SYAP1: variants seen among roughly 807,000 people sequenced by gnomAD.
SYAP1 encodes synapse-associated protein 1.
Under a neutral mutation model 29.6 loss-of-function variants are expected in SYAP1, and 3 were observed. The observed-to-expected ratio is 0.10, with a 90% CI of 0.05 to 0.26. The LOEUF (loss-of-function observed/expected upper bound fraction) is 0.26, where lower values mean the gene tolerates loss of function less well. SYAP1 is among the 10% of genes least tolerant of loss of function. The pLI, the probability that SYAP1 is intolerant of heterozygous loss-of-function variation, is 1.00. For missense variants in SYAP1, 217 were observed against 264.1 expected, an observed-to-expected ratio of 0.82 and a Z score of 1.24; for synonymous variants, 102 against 102.7, an observed-to-expected ratio of 0.99 and a Z score of 0.04.
intron 5 of SYAP1, among the ~76,000 whole-genome samples, chrX:16,745,403 G>A (rs985484149): frequency 1.8e-5 from 2 of 111,866 alleles, no homozygotes; most frequent in African/African-American, 6.5e-5. Context: ...CACCCTTGCT[G>A]CAGACAACTC....
At chrX:16,759,627 T>C (rs1404430578) in intron 8 of SYAP1, among the ~76,000 whole-genome samples, 1 of 111,685 alleles carries the variant, frequency 9.0e-6, no homozygotes, top group African/African-American at 3.3e-5. Flanking sequence ...GCTCTTTGTA[T>C]AGTGGTTAAG....
intron 1 of SYAP1, among the ~76,000 whole-genome samples, chrX:16,724,291 G>A (rs1328553535): frequency 8.9e-6 from 1 of 111,915 alleles, no homozygotes; most frequent in African/African-American, 3.3e-5. Context: ...TAGAGACTCA[G>A]TGCCCAGGAC....
At chrX:16,752,554 G>A (rs1417213386) in intron 5 of SYAP1, among the ~76,000 whole-genome samples, 1 of 109,558 alleles carries the variant, frequency 9.1e-6, no homozygotes, top group Non-Finnish European at 1.9e-5. Flanking sequence ...ATCCAAATTA[G>A]GAAATGATCA....
chrX:16,747,942 G>C (rs989618257), intron 5 of SYAP1, among the ~76,000 whole-genome samples: 1 of 110,868 alleles, frequency 9.0e-6, no homozygotes, highest in African/African-American at 3.3e-5. Context: ...AGTTAGCTGG[G>C]TGTGGTGGCG....
At chrX:16,746,770 T>C (rs1012813429) in intron 5 of SYAP1, among the ~76,000 whole-genome samples, 1 of 110,410 alleles carries the variant, frequency 9.1e-6, no homozygotes, top group African/African-American at 3.3e-5. Context: ...GTATTTTTAG[T>C]AGAGACAGGG....
At position 16,764,027 on chromosome X, in the gene SYAP1, A is replaced by G. The variant is rs940550169; in HGVS notation, c.*3668A>G. The G allele has an allele frequency of 4.5e-5, 5 of 110,935 alleles. No homozygotes were observed. The highest frequency in any genetic ancestry group is 9.4e-5 in the Non-Finnish European group (5 of 52,948). The allele number at this position is 110,935 out of a possible 1,213,427, so 9.1% of individuals were successfully genotyped here. A position where few individuals can be genotyped will look rare whatever the true frequency, so the allele number is the denominator to read the frequency against. On this transcript the variant is annotated 3_prime_UTR_variant, in exon 9 of 9. Coordinates refer to ENST00000380155, the MANE Select transcript of SYAP1 (RefSeq NM_032796.4). ...GTAGCTGGGATTATAGGCATGTGCC[A>G]CCACACCCGGCTAATTTTTGTATTT...
In SYAP1 at chrX:16,735,295, A is replaced by T; in HGVS notation, c.244A>T (p.Thr82Ser). ...TGAATCAGTTGCTGAAACAGCACAAACAATAAAGAAATCCGTAGAAGAAGG... is the reference window on the plus strand; with the variant it reads ...TGAATCAGTTGCTGAAACAGCACAATCAATAAAGAAATCCGTAGAAGAAGG... Reference protein sequence around the residue: ...ITESVAETAQTIKKSVEEGKI... With the variant: ...ITESVAETAQSIKKSVEEGKI... Residue 82 changes from threonine to serine, a missense_variant, in exon 2 of 9, where the codon ACA becomes TCA. Coordinates refer to ENST00000380155, the MANE Select transcript of SYAP1 (RefSeq NM_032796.4). 1.7e-6 allele frequency: 2 copies of T among 1,198,887 alleles called. No homozygotes were observed. Among genetic ancestry groups the T allele is most frequent in the Non-Finnish European group, 2.2e-6 (2 of 890,212 alleles).
chrX:16,748,832 G>A (rs1408058131), intron 5 of SYAP1, among the ~76,000 whole-genome samples: 3 of 105,911 alleles, frequency 2.8e-5, no homozygotes, highest in African/African-American at 1.0e-4. Context: ...TCGGCTCACT[G>A]CAACCTCCAC....
chrX:16,741,886 T>A, intron 4 of SYAP1, 97 bp downstream of exon 4: 1 of 608,452 alleles, frequency 1.6e-6, no homozygotes, highest in Non-Finnish European at 2.6e-6. Context: ...TTCTATACAG[T>A]TTTTAAAATA....
At chrX:16,749,782 C>T (rs970116231) in intron 5 of SYAP1, among the ~76,000 whole-genome samples, 1 of 109,209 alleles carries the variant, frequency 9.2e-6, no homozygotes. Flanking sequence ...CGGGTGGTGG[C>T]GTGTGCCTGT....
At chrX:16,743,653 A>G in intron 4 of SYAP1, 48 bp from the exon 5 acceptor site, 1 of 1,164,269 alleles carries the variant, frequency 8.6e-7, no homozygotes. Flanking sequence ...GTTATCTATT[A>G]ATCGCATTTT....
At chrX:16,732,567 C>T (rs909041574) in intron 1 of SYAP1, among the ~76,000 whole-genome samples, 11 of 111,365 alleles carry the variant, frequency 9.9e-5, no homozygotes, top group Admixed American at 4.8e-4. Context: ...CCACCGCGCC[C>T]AGCCCGGTCA....
Position 16,757,181 on chromosome X carries a change from C to T in SYAP1, c.803C>T (p.Thr268Ile). The T allele has an allele frequency of 8.3e-7, 1 of 1,211,114 alleles. No homozygotes were observed. Among genetic ancestry groups the T allele is most frequent in the East Asian group, 3.0e-5 (1 of 33,839 alleles). Residue 268 changes from threonine (T) to isoleucine (I), a missense_variant, in exon 8 of 9, where the codon ACT (threonine) becomes ATT (isoleucine). By Grantham distance (89) the Thr-to-Ile change is moderately conservative. Transcript: ENST00000380155. ...KTQEDEEEISTSPGVSEFVSD... is the reference protein window; with the variant it reads ...KTQEDEEEISISPGVSEFVSD... ...TTTCAGGATGAGGAAGAAATTTCTACTAGCCCAGGTGTTTCTGAGTTTGTC... is the reference window on the plus strand; with the variant it reads ...TTTCAGGATGAGGAAGAAATTTCTATTAGCCCAGGTGTTTCTGAGTTTGTC...
rs1250881626 is a variant in SYAP1, at chrX:16,763,639, G to A, written c.*3280G>A. On this transcript the variant is annotated 3_prime_UTR_variant, in exon 9 of 9. Coordinates refer to ENST00000380155, the MANE Select transcript of SYAP1 (RefSeq NM_032796.4). ...CAAAGTGTTGGGATTACAGGCATGA[G>A]CCACAGCCTTAATTGGTAATTTTTG... The A allele has an allele frequency of 3.6e-5, 4 of 110,601 alleles. No individual in the cohort carries two copies. In the East Asian group the frequency reaches 1.1e-3, roughly 32 times the overall value. 9.1% of individuals were successfully genotyped at this position (110,601 alleles called of 1,213,427 possible). A position where few individuals can be genotyped will look rare whatever the true frequency, so the allele number is the denominator to read the frequency against.
chrX:16,719,751 G>T lies in SYAP1; in HGVS notation c.27G>T (p.Leu9Phe), dbSNP rs1464252335. 8.3e-7 allele frequency: 1 copy of T among 1,206,597 alleles called. No homozygotes were observed. Among genetic ancestry groups the T allele is most frequent in the East Asian group, 3.0e-5 (1 of 33,531 alleles). MFRGLSSW[L>F]GLQQPVAGGG... The stretch of plus-strand genomic sequence containing the variant: ...TGTTCCGGGGCTTGAGCAGTTGGTT[G>T]GGCTTGCAGCAGCCGGTGGCAGGCG... Residue 9 changes from leucine (L) to phenylalanine (F), a missense_variant, in exon 1 of 9, where the codon TTG (leucine) becomes TTT (phenylalanine). Coordinates refer to ENST00000380155, the MANE Select transcript of SYAP1 (RefSeq NM_032796.4).
rs749184968 is a variant in SYAP1 at position 16,751,765 on chromosome X, G to A, written c.576-3180G>A. Among the ~76,000 whole-genome samples the A allele has an allele frequency of 5.0e-5, 5 of 99,919 alleles. No individual in the cohort carries two copies. In the South Asian group the frequency reaches 2.0e-3, roughly 39 times the overall value. 86.8% of individuals were successfully genotyped at this position (99,919 alleles called of 115,157 possible). ...ACAATCTTGGCTCACTGCAACCTCC[G>A]CCTCCTGGGTTCAAGCAATTCTCCT... On this transcript the variant is annotated intron_variant, in intron 5 of 8. Transcript: ENST00000380155.
At chrX:16,741,638 T>G (rs989101292) in intron 3 of SYAP1, 78 bp from the exon 4 acceptor site, 6 of 731,560 alleles carry the variant, frequency 8.2e-6, no homozygotes, top group Non-Finnish European at 1.2e-5. Flanking sequence ...ACTTTCATGC[T>G]TTGAAACCAT....
chrX:16,720,034 G>A, intron 1 of SYAP1, 135 bp downstream of exon 1: 1 of 628,420 alleles, frequency 1.6e-6, no homozygotes, highest in Non-Finnish European at 2.4e-6. Context: ...TGTGTCTGTC[G>A]GTCAGTCCTC....
In SYAP1 at chrX:16,719,857, G is replaced by C; in HGVS notation, c.133G>C (p.Ala45Pro). 2 of 1,195,825 alleles carry C rather than the reference G, an allele frequency of 1.7e-6. No individual in the cohort carries two copies. The highest frequency in any genetic ancestry group is 2.3e-6 in the Non-Finnish European group (2 of 887,806). ...GTCTGCGGAGGAGGAGCTGCAGCAA[G>C]CGGGAGACCAGGAGCTCCTCCACCA... ...AESAEEELQQ[A>P]GDQELLHQAK... The change falls in exon 1 of 9, where the codon GCG (alanine) becomes CCG (proline). Residue 45 changes from alanine to proline, a missense_variant. Ala to Pro is a conservative substitution (Grantham distance 27, BLOSUM62 -1). Coordinates refer to ENST00000380155, the MANE Select transcript of SYAP1 (RefSeq NM_032796.4).
Sources: allele counts gnomAD v4.1 joint callset (sites outside exome capture counted in the v4.1 genomes callset), GRCh38; gene constraint gnomAD v4.1.1; transcripts MANE v1.5; gene names NCBI Gene and HGNC (gene_info 2026-07-23, HGNC 2026-07-21).